CAB39: variants seen among roughly 807,000 people sequenced by gnomAD.
CAB39 encodes calcium-binding protein 39.
Under a neutral mutation model 40.0 loss-of-function variants are expected in CAB39, and 8 were observed. The observed-to-expected ratio is 0.20, with a 90% CI of 0.12 to 0.36. The LOEUF is 0.36. Among genes scored for constraint, CAB39 ranks in the 10% least tolerant of loss-of-function variants. The pLI is 1.00. For synonymous variants in CAB39, 156 were observed against 141.6 expected (o/e 1.10, Z -0.72); for missense variants, 270 against 401.1 (o/e 0.67, Z 2.79).
intron 5 of CAB39, among the ~76,000 whole-genome samples, chr2:230,809,381 G>A (rs935170230): frequency 1.3e-5 from 2 of 152,214 alleles, no homozygotes; most frequent in Middle Eastern, 3.2e-3. Context: ...GGAGAAAGGC[G>A]ATGATTGGCG....
At chr2:230,772,353 T>G (rs1695496667) in intron 2 of CAB39, among the ~76,000 whole-genome samples, 2 of 152,168 alleles carry the variant, frequency 1.3e-5, no homozygotes, top group African/African-American at 4.8e-5. Flanking sequence ...CATAAGGAGA[T>G]TCCACTACAC....
chr2:230,769,299 A>G (rs575519499), intron 2 of CAB39, among the ~76,000 whole-genome samples: 3 of 152,352 alleles, frequency 2.0e-5, no homozygotes, highest in African/African-American at 7.2e-5. Context: ...CAAATACACA[A>G]TTAATAGTTG....
intron 1 of CAB39, chr2:230,713,819 T>G (rs1326942326): frequency 1.3e-5 from 2 of 152,210 alleles, no homozygotes; most frequent in Middle Eastern, 3.2e-3. Context: ...CGGGCCCCGG[T>G]CCCCTCCCCC....
At chr2:230,721,598 C>G (rs1694454542) in intron 1 of CAB39, among the ~76,000 whole-genome samples, 1 of 152,180 alleles carries the variant, frequency 6.6e-6, no homozygotes, top group South Asian at 2.1e-4. Context: ...CAGATAAGTT[C>G]CACGTAAAGC....
Position 230,819,182 on chromosome 2 carries a change from G to C in CAB39, c.*478G>C, listed in dbSNP as rs950566981. The C allele has an allele frequency of 1.4e-4, 22 of 152,650 alleles. No homozygotes were observed. Among genetic ancestry groups the C allele is most frequent in the African/African-American group, 5.3e-4 (22 of 41,574 alleles). The allele number at this position is 152,650 out of a possible 1,614,324, so 9.5% of individuals were successfully genotyped here. A position where few individuals can be genotyped will look rare whatever the true frequency, so the allele number is the denominator to read the frequency against. On this transcript the variant is annotated 3_prime_UTR_variant, in exon 9 of 9. Transcript: ENST00000258418. Reference sequence around the variant, plus strand: ...CAGAGCTTTATCTGAAATCAGAGGGGAGCTATCCAAAATGGGAGTTTGGGG... The same window carrying C: ...CAGAGCTTTATCTGAAATCAGAGGGCAGCTATCCAAAATGGGAGTTTGGGG...
chr2:230,761,865 T>C (rs1178313086), intron 2 of CAB39, among the ~76,000 whole-genome samples: 1 of 150,016 alleles, frequency 6.7e-6, no homozygotes, highest in East Asian at 1.9e-4. Context: ...AGGTAAGTGG[T>C]ACTGTTTTTT....
In CAB39 at chr2:230,760,012, C is replaced by T. The variant is rs367779145; in HGVS notation, c.11C>T (p.Pro4Leu). 6.8e-6 allele frequency: 11 copies of T among 1,610,574 alleles called. No homozygotes were observed. The highest frequency in any genetic ancestry group is 1.3e-5 in the African/African-American group (1 of 74,848). The stretch of plus-strand genomic sequence containing the variant: ...CCTGCCGCTGCCGTCATGCCGTTCC[C>T]GTTTGGGAAGTCTCACAAATCTCCA... The part of the protein sequence containing the change: MPF[P>L]FGKSHKSPAD... The change falls in exon 2 of 9, where the codon CCG (proline) becomes CTG (leucine). Residue 4 changes from proline (P) to leucine (L), a missense_variant. Physicochemically the swap from Pro to Leu is moderately conservative, Grantham distance 98 (BLOSUM62 -3). Coordinates refer to ENST00000258418, the MANE Select transcript of CAB39 (RefSeq NM_016289.4).
At chr2:230,775,309 C>T (rs146818766) in intron 2 of CAB39, among the ~76,000 whole-genome samples, 3,022 of 144,958 alleles carry the variant, frequency 0.021, 53 homozygotes, top group Non-Finnish European at 0.031. Context: ...GATCTCGGCT[C>T]ACCGCAACCT....
intron 1 of CAB39, among the ~76,000 whole-genome samples, chr2:230,753,437 A>G (rs1484223254): frequency 3.3e-5 from 5 of 152,182 alleles, no homozygotes; most frequent in Admixed American, 3.3e-4. Context: ...GCTTAGCCCA[A>G]GGAATCCTGC....
chr2:230,772,817 C>G (rs116374345), intron 2 of CAB39, among the ~76,000 whole-genome samples: 1,755 of 151,978 alleles, frequency 0.012, 41 homozygotes, highest in African/African-American at 0.039. Flanking sequence ...AAACTCGAAC[C>G]AACCATATGA....
chr2:230,802,788 T>G (rs931995091), intron 5 of CAB39, among the ~76,000 whole-genome samples: 3 of 152,004 alleles, frequency 2.0e-5, no homozygotes, highest in Admixed American at 1.3e-4. Flanking sequence ...CCAAAAAAAC[T>G]CCAGGACCAG....
intron 1 of CAB39, among the ~76,000 whole-genome samples, chr2:230,742,155 TTTTG>T (rs147143513): frequency 0.35 from 53,451 of 150,968 alleles, 9,727 homozygotes; most frequent in Middle Eastern, 0.45. Flanking sequence ...TTTTGTTTTG[TTTTG>T]TTTGTTTGTT....
chr2:230,818,839 T>C lies in CAB39; in HGVS notation c.*135T>C. On this transcript the variant is annotated 3_prime_UTR_variant, in exon 9 of 9. Coordinates refer to ENST00000258418, the MANE Select transcript of CAB39 (RefSeq NM_016289.4). Reference sequence around the variant, plus strand: ...GTGAACGGTTTTTCATTTTACCCTTTTGTTTTTCAGTCCAGGTTGGAGATC... The same window carrying C: ...GTGAACGGTTTTTCATTTTACCCTTCTGTTTTTCAGTCCAGGTTGGAGATC... 1.4e-6 allele frequency: 1 copy of C among 718,100 alleles called. No homozygotes were observed. The highest frequency in any genetic ancestry group is 2.3e-6 in the Non-Finnish European group (1 of 441,196). 44.5% of individuals were successfully genotyped at this position (718,100 alleles called of 1,614,324 possible).
At chr2:230,793,612 A>C (rs1695927748) in intron 4 of CAB39, among the ~76,000 whole-genome samples, 1 of 152,166 alleles carries the variant, frequency 6.6e-6, no homozygotes, top group Non-Finnish European at 1.5e-5. Flanking sequence ...CTGTGGTCTT[A>C]TTTCTGTTCT....
At chr2:230,804,634 A>T (rs1167364752) in intron 5 of CAB39, among the ~76,000 whole-genome samples, 1 of 152,264 alleles carries the variant, frequency 6.6e-6, no homozygotes, top group Admixed American at 6.5e-5. Flanking sequence ...CAGCCAACAG[A>T]CACATGAAAA....
At chr2:230,770,414 G>GA (rs1002512287) in intron 2 of CAB39, among the ~76,000 whole-genome samples, 114 of 152,244 alleles carry the variant, frequency 7.5e-4, no homozygotes, top group African/African-American at 2.7e-3. Context: ...GCTAACTCAA[G>GA]AAAAAATAGA....
At chr2:230,741,001 A>C (rs1694867075) in intron 1 of CAB39, among the ~76,000 whole-genome samples, 1 of 152,240 alleles carries the variant, frequency 6.6e-6, no homozygotes. Flanking sequence ...CTGCCTGGTT[A>C]GCTGACACAT....
At chr2:230,779,155 T>C (rs1485823572) in intron 2 of CAB39, 1 of 152,218 alleles carries the variant, frequency 6.6e-6, no homozygotes, top group Admixed American at 6.5e-5. Context: ...TTTGATCATA[T>C]GTGGAAGTCA....
At chr2:230,806,910 C>T (rs1199117153) in intron 5 of CAB39, among the ~76,000 whole-genome samples, 1 of 152,182 alleles carries the variant, frequency 6.6e-6, no homozygotes, top group Non-Finnish European at 1.5e-5. Context: ...GATCCCAGGG[C>T]TGTCTTAGTC....
Sources: allele counts gnomAD v4.1 joint callset (sites outside exome capture counted in the v4.1 genomes callset), GRCh38; gene constraint gnomAD v4.1.1; transcripts MANE v1.5; gene names NCBI Gene and HGNC (gene_info 2026-07-23, HGNC 2026-07-21).